Variants in RAD51 observed in about 807,000 individuals in gnomAD.
RAD51 encodes the protein DNA repair protein RAD51 homolog 1.
A neutral mutation model predicts 41.5 loss-of-function variants in RAD51; 14 were observed. The observed-to-expected ratio is 0.34, with a 90% CI of 0.22 to 0.53. The LOEUF (loss-of-function observed/expected upper bound fraction) is 0.53. Among genes scored for constraint, RAD51 ranks in the 20% least tolerant of loss-of-function variants. The pLI is 0.95. For synonymous variants in RAD51, 136 were observed against 148.6 expected, an observed-to-expected ratio of 0.92 and a Z score of 0.62; for missense variants, 234 against 422.0, an observed-to-expected ratio of 0.55 and a Z score of 3.90.
rs1555427504 is a variant in RAD51, at chr15:40,710,269, A to AAAAAAAAAAAG, written c.435+1154_435+1155insAAAAAAAAAGA. On this transcript the variant is annotated intron_variant, in intron 5 of 9. Coordinates refer to ENST00000267868, the MANE Select transcript of RAD51 (RefSeq NM_002875.5). ...AAAAAAAAAAAAAAAAAAAAAAAAAAAGAAGAAGAAAAAAAAAAGATCAGG... is the reference window on the plus strand; with the variant it reads ...AAAAAAAAAAAAAAAAAAAAAAAAAAAAAAAAAAAAGAGAAGAAGAAAAAAAAAAGATCAGG... Among the ~76,000 whole-genome samples the AAAAAAAAAAAG allele has an allele frequency of 1.9e-5, 2 of 104,362 alleles. 1 individual carries two copies. Among genetic ancestry groups the AAAAAAAAAAAG allele is most frequent in the African/African-American group, 8.6e-5 (2 of 23,210 alleles). The allele number at this position is 104,362 out of a possible 152,430, so 68.5% of individuals were successfully genotyped here.
chr15:40,730,981 G>GGA, intron 9 of RAD51, 74 bp from the exon 10 acceptor site: 3 of 1,596,966 alleles, frequency 1.9e-6, no homozygotes, highest in Non-Finnish European at 2.6e-6. Context: ...AAAATTTTCA[G>GGA]CTCTGTTACA....
intron 5 of RAD51, among the ~76,000 whole-genome samples, chr15:40,712,599 G>A (rs1895758685): frequency 6.6e-6 from 1 of 152,202 alleles, no homozygotes; most frequent in Non-Finnish European, 1.5e-5. Flanking sequence ...TGCATAAGTG[G>A]CCAGTCCACA....
intron 1 of RAD51, among the ~76,000 whole-genome samples, chr15:40,698,317 T>C (rs1008563332): frequency 2.0e-5 from 3 of 151,626 alleles, no homozygotes. Flanking sequence ...GCCTCCCGAG[T>C]AGCTGGGACT....
chr15:40,717,969 C>G (rs142224540), intron 5 of RAD51, among the ~76,000 whole-genome samples: 3 of 152,038 alleles, frequency 2.0e-5, no homozygotes, highest in Admixed American at 2.0e-4. Context: ...TGGTGGCTCA[C>G]GCCTGTAATC....
At chr15:40,724,305 TTAG>T (rs1288302138) in intron 6 of RAD51, among the ~76,000 whole-genome samples, 3 of 152,182 alleles carry the variant, frequency 2.0e-5, no homozygotes, top group African/African-American at 7.2e-5. Context: ...GTATACTGTT[TTAG>T]TAGTTTAAGG....
intron 8 of RAD51, 93 bp downstream of exon 8, chr15:40,729,727 T>A: frequency 6.2e-7 from 1 of 1,607,478 alleles, no homozygotes; most frequent in Non-Finnish European, 8.5e-7. Context: ...GTGCCTGAGA[T>A]CATCAAGCTC....
chr15:40,716,041 T>C (rs559151350), intron 5 of RAD51, among the ~76,000 whole-genome samples: 2 of 152,336 alleles, frequency 1.3e-5, no homozygotes, highest in South Asian at 2.1e-4. Flanking sequence ...ATCTGCCAAA[T>C]AGTAACGTAA....
At chr15:40,710,361 G>T (rs1476181120) in intron 5 of RAD51, among the ~76,000 whole-genome samples, 2 of 150,924 alleles carry the variant, frequency 1.3e-5, no homozygotes, top group African/African-American at 4.9e-5. Context: ...AATTAGCTGG[G>T]CGTGTTGGCA....
At chr15:40,701,652 T>C (rs530812122) in intron 3 of RAD51, among the ~76,000 whole-genome samples, 193 of 152,168 alleles carry the variant, frequency 1.3e-3, no homozygotes, top group African/African-American at 4.5e-3. Flanking sequence ...TAGCTTCATA[T>C]AGTTCTTTAA....
intron 4 of RAD51, 62 bp from the exon 5 acceptor site, chr15:40,708,963 C>T (rs995187435): frequency 3.6e-6 from 5 of 1,377,494 alleles, no homozygotes; most frequent in African/African-American, 2.9e-5. Context: ...AAGAACATTT[C>T]TATGACTACA....
At chr15:40,716,407 C>T (rs2141852465) in intron 5 of RAD51, among the ~76,000 whole-genome samples, 1 of 152,082 alleles carries the variant, frequency 6.6e-6, no homozygotes, top group South Asian at 2.1e-4. Flanking sequence ...CACTCTGTCA[C>T]CCAAACTGGA....
At chr15:40,726,307 A>G (rs1055619839) in intron 6 of RAD51, among the ~76,000 whole-genome samples, 1 of 148,062 alleles carries the variant, frequency 6.8e-6, no homozygotes, top group Non-Finnish European at 1.5e-5. Flanking sequence ...GCTGGAGTAC[A>G]GTGGCGTGAT....
At chr15:40,715,819 T>C (rs1372300555) in intron 5 of RAD51, among the ~76,000 whole-genome samples, 1 of 152,236 alleles carries the variant, frequency 6.6e-6, no homozygotes, top group Non-Finnish European at 1.5e-5. Flanking sequence ...TAATATTACC[T>C]GGAGGTAGGA....
In RAD51 at chr15:40,718,907, A is replaced by C; in HGVS notation, c.530+8A>C. 6.3e-7 allele frequency: 1 copy of C among 1,591,314 alleles called. No individual in the cohort carries two copies. The highest frequency in any genetic ancestry group is 1.1e-5 in the South Asian group (1 of 90,596). ...GCTGGCAGTGGCTGAGAGGTAGGTT[A>C]CTGGTTTAGATAAGAGAGACTATGG... On this transcript the variant is annotated splice_region_variant and intron_variant, in intron 6 of 9. Coordinates refer to ENST00000267868, the MANE Select transcript of RAD51 (RefSeq NM_002875.5).
At chr15:40,730,522 T>TTTTTTTTTTTTCTTTTCTA (rs1228361941) in intron 9 of RAD51, among the ~76,000 whole-genome samples, 1 of 87,162 alleles carries the variant, frequency 1.1e-5, no homozygotes, top group Admixed American at 1.1e-4. Flanking sequence ...TTTTTTTTCT[T>TTTTTTTTTTTTCTTTTCTA]TTTTTTTTTT....
chr15:40,697,866 A>G (rs1039351588), intron 1 of RAD51, among the ~76,000 whole-genome samples: 1 of 152,182 alleles, frequency 6.6e-6, no homozygotes, highest in African/African-American at 2.4e-5. Flanking sequence ...TGATATTTCA[A>G]TACATATATA....
chr15:40,699,710 A>T (rs1402546026), intron 2 of RAD51, among the ~76,000 whole-genome samples: 3 of 152,244 alleles, frequency 2.0e-5, no homozygotes, highest in Admixed American at 6.5e-5. Flanking sequence ...TTGTGCTGTC[A>T]GCTGTCATTG....
chr15:40,727,778 C>T (rs1480351902), intron 6 of RAD51, among the ~76,000 whole-genome samples: 1 of 151,970 alleles, frequency 6.6e-6, no homozygotes. Flanking sequence ...TAACTCTATC[C>T]TAATGCCATC....
At chr15:40,697,255 C>T (rs1894700153) in intron 1 of RAD51, among the ~76,000 whole-genome samples, 1 of 152,130 alleles carries the variant, frequency 6.6e-6, no homozygotes, top group African/African-American at 2.4e-5. Flanking sequence ...CATGTGCCAC[C>T]ACGCCCAGCT....
Sources: gnomAD v4.1 joint callset for allele counts (sites outside exome capture counted in the v4.1 genomes callset) on GRCh38, gnomAD v4.1.1 for gene constraint, MANE v1.5 for transcripts, NCBI Gene and HGNC (gene_info 2026-07-23, HGNC 2026-07-21) for gene names.